Variants in ANO3 observed in about 807,000 individuals in gnomAD.
ANO3 encodes the protein anoctamin 3, also known as anoctamin-3.
ANO3 carries 99 observed loss-of-function variants against 144.8 expected under a neutral mutation model. The ratio of observed to expected loss-of-function variants is 0.68; its 90% CI spans 0.58 to 0.81. The LOEUF (loss-of-function observed/expected upper bound fraction) is 0.81. ANO3 is among the 30% of genes least tolerant of loss of function. The probability of loss-of-function intolerance (pLI) is 0.00; values close to 1 mark genes in which losing one functional copy is unlikely to be tolerated. For missense variants in ANO3, 905 were observed against 1,202.2 expected (o/e 0.75, Z 3.66); for synonymous variants, 414 against 392.6 (o/e 1.05, Z -0.64).
chr11:26,446,509 G>A (rs936932576), intron 3 of ANO3, among the ~76,000 whole-genome samples: 11 of 152,174 alleles, frequency 7.2e-5, no homozygotes, highest in African/African-American at 2.2e-4. Context: ...TGTTCCAAAG[G>A]AGAACCATGA....
At chr11:26,542,559 A>AAAAG (rs576943226) in intron 11 of ANO3, among the ~76,000 whole-genome samples, 8 of 152,196 alleles carry the variant, frequency 5.3e-5, no homozygotes, top group South Asian at 2.1e-4. Flanking sequence ...CAAACCGAAA[A>AAAAG]AAAGAAAGAA....
chr11:26,435,245 G>A (rs1196079702), intron 1 of ANO3, among the ~76,000 whole-genome samples: 2 of 152,156 alleles, frequency 1.3e-5, no homozygotes, highest in African/African-American at 4.8e-5. Flanking sequence ...GTGAATACAG[G>A]CCCCAATCTC....
At chr11:26,613,456 T>C (rs1176114894) in intron 17 of ANO3, among the ~76,000 whole-genome samples, 1 of 152,226 alleles carries the variant, frequency 6.6e-6, no homozygotes, top group Admixed American at 6.5e-5. Flanking sequence ...CTTAAGATCA[T>C]TATTTACAAT....
At chr11:26,568,932 A>G (rs974743637) in intron 14 of ANO3, among the ~76,000 whole-genome samples, 3 of 152,022 alleles carry the variant, frequency 2.0e-5, no homozygotes, top group Admixed American at 6.6e-5. Context: ...TTTCAGCATT[A>G]TTATGGCATT....
intron 1 of ANO3, among the ~76,000 whole-genome samples, chr11:26,223,565 T>C (rs919787982): frequency 1.4e-5 from 2 of 146,318 alleles, no homozygotes; most frequent in African/African-American, 2.6e-5. Context: ...CACTCCACAG[T>C]ACCAATTTTC....
At chr11:26,553,657 T>C (rs1850002874) in intron 13 of ANO3, among the ~76,000 whole-genome samples, 1 of 152,156 alleles carries the variant, frequency 6.6e-6, no homozygotes, top group South Asian at 2.1e-4. Flanking sequence ...TTACTAAATG[T>C]GTACGTTACA....
intron 1 of ANO3, among the ~76,000 whole-genome samples, chr11:26,392,462 C>A (rs1015612147): frequency 6.6e-6 from 1 of 151,644 alleles, no homozygotes; most frequent in Non-Finnish European, 1.5e-5. Flanking sequence ...TGACCTGTAC[C>A]TTTTTTTAGA....
chr11:26,634,670 G>A (rs375972448), intron 19 of ANO3, among the ~76,000 whole-genome samples: 1 of 152,084 alleles, frequency 6.6e-6, no homozygotes, highest in East Asian at 1.9e-4. Flanking sequence ...TCCATCCAAT[G>A]CCATGGAAAC....
At chr11:26,534,103 A>G (rs540187919) in intron 8 of ANO3, among the ~76,000 whole-genome samples, 5 of 152,296 alleles carry the variant, frequency 3.3e-5, no homozygotes, top group Admixed American at 2.6e-4. Context: ...GATAAGCTGC[A>G]TTGGAAAGCA....
At chr11:26,452,823 C>A (rs1453841196) in intron 3 of ANO3, among the ~76,000 whole-genome samples, 1 of 152,106 alleles carries the variant, frequency 6.6e-6, no homozygotes, top group African/African-American at 2.4e-5. Context: ...TAAGGGCAGT[C>A]AGAGAGAAAG....
intron 1 of ANO3, among the ~76,000 whole-genome samples, chr11:26,226,876 A>G (rs1466199461): frequency 6.6e-6 from 1 of 152,120 alleles, no homozygotes; most frequent in Non-Finnish European, 1.5e-5. Context: ...CATCACCATC[A>G]TCCATTTCCA....
intron 1 of ANO3, among the ~76,000 whole-genome samples, chr11:26,209,241 A>G (rs1049545765): frequency 2.0e-5 from 3 of 152,142 alleles, no homozygotes; most frequent in African/African-American, 7.2e-5. Context: ...GAGAACATGC[A>G]GAGTTTGGTT....
At chr11:26,205,767 C>T (rs3108828) in intron 1 of ANO3, among the ~76,000 whole-genome samples, 8,802 of 152,266 alleles carry the variant, frequency 0.058, 794 homozygotes, top group African/African-American at 0.2. Flanking sequence ...TGAATGAAAG[C>T]TACTAATCCA....
At chr11:26,346,605 T>C (rs1436223196) in intron 1 of ANO3, among the ~76,000 whole-genome samples, 3 of 152,180 alleles carry the variant, frequency 2.0e-5, no homozygotes, top group African/African-American at 7.2e-5. Flanking sequence ...TTCATTGGGA[T>C]TGGAAATGAC....
chr11:26,406,760 G>A (rs965703206), intron 1 of ANO3, among the ~76,000 whole-genome samples: 2 of 141,882 alleles, frequency 1.4e-5, no homozygotes, highest in African/African-American at 5.2e-5. Context: ...CTAGCATGAT[G>A]ATCTGTATTG....
rs1228635162 is a variant in ANO3 at position 26,591,920 on chromosome 11, G to A, written c.1448-6445G>A. 3.3e-5 allele frequency among the ~76,000 whole-genome samples: 5 copies of A among 152,270 alleles called. No individual in the cohort carries two copies. The South Asian group carries it at 6.2e-4, about 19-fold the overall frequency. ...TCCAGCCACTTTAACCATGGTTGGG[G>A]TAGATAAAATGACTGGGTAGGGTCC... On this transcript the variant is annotated intron_variant, in intron 14 of 26. Coordinates refer to ENST00000256737, the MANE Select transcript of ANO3 (RefSeq NM_031418.4).
At chr11:26,525,557 A>T in intron 6 of ANO3, 78 bp from the exon 7 acceptor site, 1 of 1,160,184 alleles carries the variant, frequency 8.6e-7, no homozygotes, top group Non-Finnish European at 1.3e-6. Context: ...AATGCTCAAT[A>T]TGATTGAATG....
intron 1 of ANO3, among the ~76,000 whole-genome samples, chr11:26,295,061 G>T (rs1218244271): frequency 6.6e-6 from 1 of 151,808 alleles, no homozygotes; most frequent in African/African-American, 2.4e-5. Context: ...CACGTGCCAG[G>T]GTAATTTGTT....
intron 17 of ANO3, among the ~76,000 whole-genome samples, chr11:26,614,043 G>A (rs1371765587): frequency 1.3e-5 from 2 of 152,234 alleles, no homozygotes; most frequent in Non-Finnish European, 1.5e-5. Flanking sequence ...GCAGGCACAT[G>A]CATGCACTTG....
Sources: gnomAD v4.1 joint callset for allele counts (sites outside exome capture counted in the v4.1 genomes callset) on GRCh38, gnomAD v4.1.1 for gene constraint, MANE v1.5 for transcripts, NCBI Gene and HGNC (gene_info 2026-07-23, HGNC 2026-07-21) for gene names.